The following PDE10A variants were observed in gnomAD, a reference collection of about 807,000 sequenced individuals.
PDE10A encodes the protein phosphodiesterase 10A.
Under a neutral mutation model 97.7 loss-of-function variants are expected in PDE10A, and 39 were observed. The observed-to-expected ratio is 0.40, with a 90% CI of 0.31 to 0.52. The LOEUF (loss-of-function observed/expected upper bound fraction) is 0.52, where lower values mean the gene tolerates loss of function less well. Among genes scored for constraint, PDE10A ranks in the 20% least tolerant of loss-of-function variants. The pLI, the probability that PDE10A is intolerant of heterozygous loss-of-function variation, is 0.56. For missense variants in PDE10A, 731 were observed against 1,047.8 expected, an observed-to-expected ratio of 0.70 and a Z score of 4.17; for synonymous variants, 371 against 376.8, an observed-to-expected ratio of 0.98 and a Z score of 0.18.
chr6:165,689,060 A>C (rs1791200806), intron 1 of PDE10A, among the ~76,000 whole-genome samples: 2 of 152,376 alleles, frequency 1.3e-5, no homozygotes, highest in South Asian at 4.1e-4. Flanking sequence ...TGCAGGATAT[A>C]AATGGAATTC....
chr6:165,974,196 G>GGCAA (rs1220001391), intron 1 of PDE10A, among the ~76,000 whole-genome samples: 2 of 152,126 alleles, frequency 1.3e-5, no homozygotes, highest in Admixed American at 6.5e-5. Flanking sequence ...TTTGACAAGT[G>GGCAA]GCAACTTTCA....
chr6:165,752,739 A>G (rs1793035455), intron 1 of PDE10A, among the ~76,000 whole-genome samples: 1 of 152,200 alleles, frequency 6.6e-6, no homozygotes, highest in African/African-American at 2.4e-5. Flanking sequence ...GTCATATTGC[A>G]GAAGTTTACA....
At chr6:165,417,770 G>T (rs220745) in intron 11 of PDE10A, among the ~76,000 whole-genome samples, 5 of 151,986 alleles carry the variant, frequency 3.3e-5, no homozygotes, top group Non-Finnish European at 5.9e-5. Flanking sequence ...CCCACGGTGA[G>T]GCACACCTTG....
chr6:165,614,891 A>AG (rs1787655678), intron 1 of PDE10A, among the ~76,000 whole-genome samples: 1 of 152,132 alleles, frequency 6.6e-6, no homozygotes, highest in Non-Finnish European at 1.5e-5. Context: ...TGAAGTGTTA[A>AG]ACCCATTGGG....
At chr6:165,390,399 G>T (rs1410537037) in intron 16 of PDE10A, among the ~76,000 whole-genome samples, 1 of 152,130 alleles carries the variant, frequency 6.6e-6, no homozygotes, top group Non-Finnish European at 1.5e-5. Flanking sequence ...GAGTCAATAG[G>T]GTAATGCTTA....
rs186153282 is a variant in PDE10A, at chr6:165,886,145, T to C, written c.-615+101384A>G. On this transcript the variant is annotated intron_variant, in intron 1 of 19. Transcript: ENST00000366882. ...GGTAAGTTTTTCAGAAATCCTATTA[T>C]GGGCATAGCTGAATTTATTAGGGAT... Among the ~76,000 whole-genome samples the C allele has an allele frequency of 3.4e-3, 524 of 152,370 alleles. 7 individuals carry two copies. Among genetic ancestry groups the C allele is most frequent in the African/African-American group, 0.012 (502 of 41,584 alleles).
At chr6:165,739,990 C>A (rs1040817612) in intron 1 of PDE10A, among the ~76,000 whole-genome samples, 1 of 152,114 alleles carries the variant, frequency 6.6e-6, no homozygotes, top group Non-Finnish European at 1.5e-5. Context: ...GAAAAGGGAA[C>A]CCCTATCTGC....
chr6:165,958,207 G>A (rs1425088533), intron 1 of PDE10A, among the ~76,000 whole-genome samples: 3 of 152,058 alleles, frequency 2.0e-5, no homozygotes, highest in South Asian at 2.1e-4. Context: ...GAGCTTCAAC[G>A]TCCTGGGCTC....
chr6:165,679,113 G>A (rs1027983853), intron 1 of PDE10A, among the ~76,000 whole-genome samples: 2 of 152,158 alleles, frequency 1.3e-5, no homozygotes, highest in African/African-American at 4.8e-5. Context: ...TGTGGCATTG[G>A]GTGTTCAGGA....
intron 3 of PDE10A, among the ~76,000 whole-genome samples, chr6:165,479,227 C>T (rs6903852): frequency 0.081 from 12,368 of 152,178 alleles, 630 homozygotes; most frequent in East Asian, 0.25. Context: ...CAACCCTAAT[C>T]CTAGCCATCA....
At chr6:165,753,611 T>G (rs1042265831) in intron 1 of PDE10A, among the ~76,000 whole-genome samples, 3 of 151,918 alleles carry the variant, frequency 2.0e-5, no homozygotes, top group African/African-American at 4.8e-5. Context: ...GTTTTTAGGG[T>G]TTTTTTTCCC....
chr6:165,469,848 A>C (rs566534146), intron 3 of PDE10A, among the ~76,000 whole-genome samples: 1 of 152,304 alleles, frequency 6.6e-6, no homozygotes, highest in African/African-American at 2.4e-5. Context: ...GTATTTGTTT[A>C]TAAGTATCAT....
At chr6:165,351,572 T>C (rs1782696191) in intron 18 of PDE10A, among the ~76,000 whole-genome samples, 1 of 152,254 alleles carries the variant, frequency 6.6e-6, no homozygotes, top group African/African-American at 2.4e-5. Context: ...ACACCTACTA[T>C]GTGCTAGACA....
At chr6:165,690,175 C>T (rs978023477) in intron 1 of PDE10A, among the ~76,000 whole-genome samples, 4 of 152,160 alleles carry the variant, frequency 2.6e-5, no homozygotes, top group Non-Finnish European at 5.9e-5. Flanking sequence ...CCGTGTGCCA[C>T]CTCCATCCAC....
chr6:165,667,527 A>T (rs1471936002), upstream of PDE10A, among the ~76,000 whole-genome samples: 1 of 152,116 alleles, frequency 6.6e-6, no homozygotes, highest in Non-Finnish European at 1.5e-5. Context: ...TTTAAATTGT[A>T]AATAAAATTA....
At chr6:165,745,814 G>C (rs748371998) in intron 1 of PDE10A, among the ~76,000 whole-genome samples, 1 of 152,164 alleles carries the variant, frequency 6.6e-6, no homozygotes, top group Non-Finnish European at 1.5e-5. Context: ...TTGTAAAAAT[G>C]TTAAAACATG....
rs1788450984 is a variant in PDE10A, at chr6:165,418,111, T to C, written c.1796+524A>G. Among the ~76,000 whole-genome samples, 1 of 152,012 alleles carries C rather than the reference T, an allele frequency of 6.6e-6. No homozygotes were observed. The highest frequency in any genetic ancestry group is 1.5e-5 in the Non-Finnish European group (1 of 68,012). ...CATTTAAGTGACAACGGCTGCCACT[T>C]AAAAAAACAAAGACTTCAGTTTCAA... On this transcript the variant is annotated intron_variant, in intron 11 of 21. Transcript: ENST00000539869. The surrounding 1 kb of genome is among the most constrained non-coding windows in gnomAD (Gnocchi z 4.8).
At chr6:165,645,219 G>C (rs1446290318) in intron 1 of PDE10A, among the ~76,000 whole-genome samples, 1 of 152,206 alleles carries the variant, frequency 6.6e-6, no homozygotes, top group Non-Finnish European at 1.5e-5. Flanking sequence ...GGAGTGCACA[G>C]CGAGGGTGCG....
At chr6:165,776,342 G>T (rs374445505) in intron 1 of PDE10A, among the ~76,000 whole-genome samples, 28 of 152,210 alleles carry the variant, frequency 1.8e-4, no homozygotes, top group African/African-American at 5.1e-4. Flanking sequence ...TCTCCTAGGG[G>T]GTTACAGTAA....
Sources: allele counts gnomAD v4.1 joint callset (sites outside exome capture counted in the v4.1 genomes callset), GRCh38; gene constraint gnomAD v4.1.1; non-coding constraint Gnocchi (gnomAD v3.1); transcripts MANE v1.5; gene names NCBI Gene and HGNC (gene_info 2026-07-23, HGNC 2026-07-21).